Variants in IMPG1 observed in about 807,000 individuals in gnomAD.
The protein encoded by IMPG1 is interphotoreceptor matrix proteoglycan 1, also known as interphotoreceptor matrix proteoglycan of 150 kDa.
IMPG1 carries 85 observed loss-of-function variants against 92.0 expected under a neutral mutation model. The observed-to-expected ratio is 0.92, with a 90% confidence interval of 0.78 to 1.11. IMPG1 has a LOEUF of 1.11. IMPG1 is among the 50% of genes least tolerant of loss of function. The pLI is 0.00. For missense variants in IMPG1, 1,022 were observed against 956.0 expected (o/e 1.07, Z -0.91); for synonymous variants, 367 against 334.1 (o/e 1.10, Z -1.08).
chr6:75,992,667 T>C (rs1473961840), intron 12 of IMPG1, among the ~76,000 whole-genome samples: 2 of 152,130 alleles, frequency 1.3e-5, no homozygotes, highest in Non-Finnish European at 2.9e-5. Context: ...CCACCTTCAT[T>C]TTCTGAAAGC....
Position 76,072,422 on chromosome 6 carries a change from C to A in IMPG1, c.67G>T (p.Asp23Tyr), listed in dbSNP as rs1325523223. The change falls in exon 1 of 17, where the codon GAT (aspartate) becomes TAT (tyrosine). Residue 23 changes from aspartate (D) to tyrosine (Y), a missense_variant and splice_region_variant. Physicochemically the swap from Asp to Tyr is radical, Grantham distance 160. This residue lies in a region of IMPG1 where 681 missense variants were observed against 583.6 expected (regional missense o/e 1.17). Coordinates refer to ENST00000369950, the MANE Select transcript of IMPG1 (RefSeq NM_001563.4). ...AAAAGTAAACATTTAAGTAACTTACCTTTGGTTCCTTGAACTTGGAGAAAA... is the reference window on the plus strand; with the variant it reads ...AAAAGTAAACATTTAAGTAACTTACATTTGGTTCCTTGAACTTGGAGAAAA... The part of the protein sequence containing the change: ...WIFLQVQGTK[D>Y]ISINIYHSET... 1 of 1,511,668 alleles carries A rather than the reference C, an allele frequency of 6.6e-7. No individual in the cohort carries two copies. Among genetic ancestry groups the A allele is most frequent in the Non-Finnish European group, 9.1e-7 (1 of 1,093,120 alleles). The allele number at this position is 1,511,668 out of a possible 1,614,324, so 93.6% of individuals were successfully genotyped here. A position where few individuals can be genotyped will look rare whatever the true frequency, so the allele number is the denominator to read the frequency against.
chr6:75,922,201 G>A, intron 16 of IMPG1, 35 bp from the exon 17 acceptor site: 1 of 883,576 alleles, frequency 1.1e-6, no homozygotes, highest in Non-Finnish European at 1.8e-6. Context: ...CTTAAGAAAT[G>A]CCACCCAAGG....
At chr6:75,982,513 G>A (rs910066052) in intron 12 of IMPG1, among the ~76,000 whole-genome samples, 3 of 149,166 alleles carry the variant, frequency 2.0e-5, no homozygotes, top group African/African-American at 5.0e-5. Flanking sequence ...GTGACAGAGC[G>A]AGACTCTATC....
chr6:75,990,347 C>T (rs999640908), intron 12 of IMPG1, among the ~76,000 whole-genome samples: 3 of 152,048 alleles, frequency 2.0e-5, no homozygotes, highest in Non-Finnish European at 4.4e-5. Flanking sequence ...CATTCATTGC[C>T]GTGGAAGAAA....
At chr6:75,953,376 T>A (rs754644591) in intron 12 of IMPG1, among the ~76,000 whole-genome samples, 16 of 151,916 alleles carry the variant, frequency 1.1e-4, no homozygotes, top group Non-Finnish European at 2.1e-4. Context: ...CATCAACACA[T>A]CATCTATATT....
At chr6:75,967,246 A>G (rs1003898398) in intron 12 of IMPG1, among the ~76,000 whole-genome samples, 3 of 152,200 alleles carry the variant, frequency 2.0e-5, no homozygotes, top group Non-Finnish European at 2.9e-5. Context: ...TATCCATGGC[A>G]AGTTATCCCT....
intron 4 of IMPG1, among the ~76,000 whole-genome samples, chr6:76,033,291 C>T (rs1472070733): frequency 2.0e-5 from 3 of 152,204 alleles, no homozygotes; most frequent in Non-Finnish European, 4.4e-5. Context: ...TCCTCACTGG[C>T]TGGCCATAAC....
At chr6:76,009,536 G>C (rs553006252) in intron 8 of IMPG1, among the ~76,000 whole-genome samples, 23 of 152,138 alleles carry the variant, frequency 1.5e-4, no homozygotes, top group African/African-American at 5.1e-4. Flanking sequence ...TTACAATTTT[G>C]CCACTGTCAT....
chr6:75,945,358 C>CTTTTTTTTTTTTT (rs71678760), intron 14 of IMPG1, among the ~76,000 whole-genome samples: 1 of 122,794 alleles, frequency 8.1e-6, no homozygotes, highest in Admixed American at 8.2e-5. Flanking sequence ...TTTTTTTTTT[C>CTTTTTTTTTTTTT]TTTTTTTTTT....
chr6:75,971,859 T>A (rs2149465678), intron 12 of IMPG1, among the ~76,000 whole-genome samples: 1 of 152,356 alleles, frequency 6.6e-6, no homozygotes, highest in East Asian at 1.9e-4. Context: ...TCCTTGTGGA[T>A]ACTGACCAGC....
chr6:76,058,133 A>G (rs1017371133), intron 1 of IMPG1, among the ~76,000 whole-genome samples: 3 of 152,084 alleles, frequency 2.0e-5, no homozygotes, highest in African/African-American at 7.2e-5. Context: ...TTTTCTCCCA[A>G]TCCATAGGCT....
At chr6:76,021,156 A>C (rs1217268515) in intron 6 of IMPG1, among the ~76,000 whole-genome samples, 1 of 152,184 alleles carries the variant, frequency 6.6e-6, no homozygotes, top group Admixed American at 6.5e-5. Flanking sequence ...CTTTTATCTT[A>C]ACCGGAACAT....
chr6:75,966,351 G>T (rs1011753423), intron 12 of IMPG1, among the ~76,000 whole-genome samples: 1 of 152,088 alleles, frequency 6.6e-6, no homozygotes, highest in Non-Finnish European at 1.5e-5. Flanking sequence ...AATTGTTATT[G>T]TGGCAGTATT....
intron 14 of IMPG1, among the ~76,000 whole-genome samples, chr6:75,935,358 A>G (rs546393392): frequency 7.2e-5 from 11 of 152,302 alleles, no homozygotes; most frequent in African/African-American, 2.6e-4. Flanking sequence ...TCCCATTTCA[A>G]AAAGGCAGAG....
intron 4 of IMPG1, among the ~76,000 whole-genome samples, chr6:76,026,306 C>T (rs115747842): frequency 4.1e-3 from 619 of 152,206 alleles, no homozygotes; most frequent in African/African-American, 0.014. Flanking sequence ...CATTTTTTGG[C>T]GCCCAACGTG....
intron 1 of IMPG1, among the ~76,000 whole-genome samples, chr6:76,062,443 A>C (rs55711645): frequency 0.047 from 7,159 of 152,308 alleles, 229 homozygotes; most frequent in South Asian, 0.086. Context: ...AAAAAGGCTG[A>C]TATAAAATTT....
intron 12 of IMPG1, among the ~76,000 whole-genome samples, chr6:75,956,072 T>C (rs538580155): frequency 6.0e-4 from 91 of 152,246 alleles, no homozygotes; most frequent in African/African-American, 2.1e-3. Flanking sequence ...TTTTGTTGTG[T>C]CTCTGCCAGG....
At chr6:76,069,378 CTTAATTAA>C (rs1562391698) in intron 1 of IMPG1, among the ~76,000 whole-genome samples, 1 of 151,962 alleles carries the variant, frequency 6.6e-6, no homozygotes, top group African/African-American at 2.4e-5. Context: ...ACAAATGGGA[CTTAATTAA>C]AGTAAAATGC....
chr6:76,065,136 T>C (rs964653566), intron 1 of IMPG1, among the ~76,000 whole-genome samples: 1 of 151,990 alleles, frequency 6.6e-6, no homozygotes, highest in Non-Finnish European at 1.5e-5. Flanking sequence ...GAAGAGGTAG[T>C]TTATGCAGAT....
Sources: gnomAD v4.1 joint callset for allele counts (sites outside exome capture counted in the v4.1 genomes callset) on GRCh38, gnomAD v4.1.1 for gene constraint, gnomAD v4.1.1 regional missense constraint, MANE v1.5 for transcripts, NCBI Gene and HGNC (gene_info 2026-07-23, HGNC 2026-07-21) for gene names.